Variants in FARS2 observed in about 807,000 individuals in gnomAD.
FARS2 encodes phenylalanyl-tRNA synthetase 2, mitochondrial, also known as phenylalanine--tRNA ligase, mitochondrial.
Under a neutral mutation model 46.4 loss-of-function variants are expected in FARS2, and 40 were observed. The ratio of observed to expected loss-of-function variants is 0.86; its 90% CI spans 0.67 to 1.12. FARS2 has a LOEUF of 1.12. Ranked by LOEUF, FARS2 falls within the 50% of genes most tolerant of loss-of-function variation. The pLI, the probability that FARS2 is intolerant of heterozygous loss-of-function variation, is 0.00. For missense variants in FARS2, 513 were observed against 567.9 expected (o/e 0.90, Z 0.98); for synonymous variants, 234 against 214.9 (o/e 1.09, Z -0.78).
chr6:5,355,504 G>A (rs572154703), intron 1 of FARS2, among the ~76,000 whole-genome samples: 2 of 151,414 alleles, frequency 1.3e-5, no homozygotes, highest in South Asian at 2.1e-4. Context: ...CTACAGGTGC[G>A]TGCCACCATG....
chr6:5,754,259 C>G (rs1378773328), intron 6 of FARS2, among the ~76,000 whole-genome samples: 4 of 152,150 alleles, frequency 2.6e-5, no homozygotes, highest in Non-Finnish European at 5.9e-5. Flanking sequence ...GCCTTCAGAG[C>G]CAGCGCTCTC....
intron 3 of FARS2, among the ~76,000 whole-genome samples, chr6:5,417,020 A>C (rs1003912362): frequency 2.0e-5 from 3 of 152,162 alleles, no homozygotes; most frequent in Non-Finnish European, 4.4e-5. Flanking sequence ...AAAAGTCTTT[A>C]TATCTCCTAG....
intron 2 of FARS2, among the ~76,000 whole-genome samples, chr6:5,395,783 C>A (rs1426768027): frequency 6.6e-6 from 1 of 152,154 alleles, no homozygotes; most frequent in Non-Finnish European, 1.5e-5. Flanking sequence ...TGAATCCTTT[C>A]CTATTCCTCT....
chr6:5,405,888 A>C (rs571731312), intron 3 of FARS2, among the ~76,000 whole-genome samples: 1 of 152,332 alleles, frequency 6.6e-6, no homozygotes, highest in Non-Finnish European at 1.5e-5. Flanking sequence ...TATTAACAGT[A>C]TATTATATCA....
intron 6 of FARS2, among the ~76,000 whole-genome samples, chr6:5,655,282 G>A (rs970253414): frequency 1.3e-5 from 2 of 152,058 alleles, no homozygotes; most frequent in African/African-American, 4.8e-5. Context: ...CTCTTTCCTT[G>A]GTGTTTGAGC....
intron 4 of FARS2, among the ~76,000 whole-genome samples, chr6:5,541,606 G>A (rs865819331): frequency 3.3e-5 from 5 of 151,906 alleles, no homozygotes; most frequent in Admixed American, 6.6e-5. Flanking sequence ...ATTTTGTTCT[G>A]TATAGGAATA....
intron 4 of FARS2, among the ~76,000 whole-genome samples, chr6:5,440,684 G>T (rs1763791703): frequency 1.3e-5 from 2 of 152,212 alleles, no homozygotes; most frequent in African/African-American, 4.8e-5. Context: ...CTGGTGTTTT[G>T]TTGTTATTGT....
chr6:5,534,805 A>G (rs1390101687), intron 4 of FARS2, among the ~76,000 whole-genome samples: 1 of 149,922 alleles, frequency 6.7e-6, no homozygotes, highest in Admixed American at 6.7e-5. Context: ...AGAGACACAC[A>G]TATGTATACA....
At chr6:5,260,584 G>C, upstream of FARS2, 3 of 1,309,514 alleles carry the variant, frequency 2.3e-6, no homozygotes, top group Non-Finnish European at 3.2e-6. Flanking sequence ...TTCCGCGTCA[G>C]CCCGCACCCC....
the FARS2 span, among the ~76,000 whole-genome samples, chr6:5,250,852 T>C: frequency 1.3e-5 from 2 of 152,366 alleles, no homozygotes; most frequent in African/African-American, 2.4e-5. Context: ...TTTACAGACA[T>C]GTATGATGTG....
chr6:5,723,761 T>C (rs759684537), intron 6 of FARS2, among the ~76,000 whole-genome samples: 28 of 152,244 alleles, frequency 1.8e-4, no homozygotes, highest in Admixed American at 3.9e-4. Context: ...TTATCTTATA[T>C]GATTGTTCTT....
chr6:5,379,711 A>G (rs1759628345), intron 2 of FARS2, among the ~76,000 whole-genome samples: 1 of 152,188 alleles, frequency 6.6e-6, no homozygotes, highest in African/African-American at 2.4e-5. Flanking sequence ...TGCTATGAAA[A>G]TGATCAAATG....
At position 5,451,108 on chromosome 6, in the gene FARS2, A is replaced by T. The variant is rs1431137730; in HGVS notation, c.904+19936A>T. The stretch of plus-strand genomic sequence containing the variant: ...CACACATAGTTTGCTTTCATTCTGA[A>T]CTTTTTGTATATTTCCTGGAAAAGT... On this transcript the variant is annotated intron_variant, in intron 4 of 6. Transcript: ENST00000274680. 2.0e-5 allele frequency among the ~76,000 whole-genome samples: 3 copies of T among 152,026 alleles called. No individual in the cohort carries two copies. In the East Asian group the frequency reaches 5.8e-4, roughly 29 times the overall value.
chr6:5,255,500 C>CT, the FARS2 span, among the ~76,000 whole-genome samples: 3 of 151,248 alleles, frequency 2.0e-5, no homozygotes, highest in South Asian at 4.2e-4. Context: ...TTTTTAAAAG[C>CT]TTTTTTTTTC....
chr6:5,389,255 C>T (rs73718089), intron 2 of FARS2, among the ~76,000 whole-genome samples: 10,469 of 152,114 alleles, frequency 0.069, 709 homozygotes, highest in African/African-American at 0.17. Flanking sequence ...CATCAGTTGA[C>T]CACTGTGTTA....
chr6:5,412,521 G>A (rs1263335159), intron 3 of FARS2, among the ~76,000 whole-genome samples: 1 of 152,184 alleles, frequency 6.6e-6, no homozygotes, highest in Non-Finnish European at 1.5e-5. Context: ...ACATTCTAGG[G>A]CCCTGTGTTG....
rs546319544 is a variant in FARS2 at position 5,318,670 on chromosome 6, C to T, written c.-21-49880C>T. Among the ~76,000 whole-genome samples, 232 of 152,200 alleles carry T rather than the reference C, an allele frequency of 1.5e-3. 1 individual carries two copies. Among genetic ancestry groups the T allele is most frequent in the African/African-American group, 5.2e-3 (217 of 41,518 alleles). ...AGTACTAAGCCAAGTGGCTTAGGCT[C>T]GGTTACAGAATTTTCTTGGGTTTAA... On this transcript the variant is annotated intron_variant, in intron 1 of 6. Coordinates refer to ENST00000274680, the MANE Select transcript of FARS2 (RefSeq NM_006567.5).
At chr6:5,463,156 T>C (rs1765338259) in intron 4 of FARS2, among the ~76,000 whole-genome samples, 1 of 152,236 alleles carries the variant, frequency 6.6e-6, no homozygotes, top group African/African-American at 2.4e-5. Flanking sequence ...TTTATAGTTT[T>C]TAGAGTACAA....
chr6:5,523,996 C>T lies in FARS2; in HGVS notation c.905-21184C>T, dbSNP rs774245493. Among the ~76,000 whole-genome samples, 574 of 152,230 alleles carry T rather than the reference C, an allele frequency of 3.8e-3. 6 individuals carry two copies. The highest frequency in any genetic ancestry group is 7.3e-3 in the Admixed American group (111 of 15,280). On this transcript the variant is annotated intron_variant, in intron 4 of 6. Transcript: ENST00000274680. Reference sequence around the variant, plus strand: ...CATGTTTCCAAGAACATGATGAATTCTTAGTTTTTACCAATACAGCATAAA... The same window carrying T: ...CATGTTTCCAAGAACATGATGAATTTTTAGTTTTTACCAATACAGCATAAA...
Sources: allele counts gnomAD v4.1 joint callset (sites outside exome capture counted in the v4.1 genomes callset), GRCh38; gene constraint gnomAD v4.1.1; transcripts MANE v1.5; gene names NCBI Gene and HGNC (gene_info 2026-07-23, HGNC 2026-07-21).